NSUN3: variants seen among roughly 807,000 people sequenced by gnomAD.
The protein encoded by NSUN3 is tRNA (cytosine(34)-C(5))-methyltransferase, mitochondrial.
NSUN3 carries 24 observed loss-of-function variants against 36.8 expected under a neutral mutation model. The ratio of observed to expected loss-of-function variants is 0.65; its 90% CI spans 0.47 to 0.92. The LOEUF is 0.92. Among genes scored for constraint, NSUN3 ranks in the 40% least tolerant of loss-of-function variants. The pLI is 0.00. For missense variants in NSUN3, 381 were observed against 392.8 expected (o/e 0.97, Z 0.25); for synonymous variants, 146 against 145.2 (o/e 1.01, Z -0.04).
Position 94,126,567 on chromosome 3 carries a change from T to G in NSUN3, c.*77T>G. Reference sequence around the variant, plus strand: ...CAGTACATGTTAATATTTAAATAATTATGCAGTAACTTTCTCTGGGTCTGT... The same window carrying G: ...CAGTACATGTTAATATTTAAATAATGATGCAGTAACTTTCTCTGGGTCTGT... On this transcript the variant is annotated 3_prime_UTR_variant, in exon 6 of 6. Coordinates refer to ENST00000314622, the MANE Select transcript of NSUN3 (RefSeq NM_022072.5). 1 of 1,311,480 alleles carries G rather than the reference T, an allele frequency of 7.6e-7. No homozygotes were observed. The highest frequency in any genetic ancestry group is 1.0e-6 in the Non-Finnish European group (1 of 955,374). The allele number at this position is 1,311,480 out of a possible 1,614,324, so 81.2% of individuals were successfully genotyped here. A position where few individuals can be genotyped will look rare whatever the true frequency, so the allele number is the denominator to read the frequency against.
intron 5 of NSUN3, among the ~76,000 whole-genome samples, chr3:94,106,903 C>G (rs569374551): frequency 6.6e-6 from 1 of 151,698 alleles, no homozygotes; most frequent in African/African-American, 2.4e-5. Context: ...CAAAATGCTT[C>G]AGGGAAGAAA....
rs189094370 is a variant in NSUN3, at chr3:94,096,552, G to T, written c.743+1398G>T. 2.9e-4 allele frequency among the ~76,000 whole-genome samples: 44 copies of T among 152,210 alleles called. 1 individual carries two copies. The East Asian group carries it at 7.9e-3, about 27-fold the overall frequency. On this transcript the variant is annotated intron_variant, in intron 5 of 5. Coordinates refer to ENST00000314622, the MANE Select transcript of NSUN3 (RefSeq NM_022072.5). ...CTTACTCTGTCACCCAGACTGTAGT[G>T]CAGTGGTGTGATCCCCGCTCACTCC...
At chr3:94,072,486 T>C (rs1223909593) in intron 2 of NSUN3, among the ~76,000 whole-genome samples, 1 of 152,148 alleles carries the variant, frequency 6.6e-6, no homozygotes, top group Non-Finnish European at 1.5e-5. Flanking sequence ...TTAATAATGA[T>C]ATCAGAGTAT....
chr3:94,082,083 C>T (rs2077271356), intron 2 of NSUN3: 1 of 152,202 alleles, frequency 6.6e-6, no homozygotes, highest in Admixed American at 6.5e-5. Flanking sequence ...AGCCAAGCCG[C>T]TCCTTCTGTA....
intron 5 of NSUN3, among the ~76,000 whole-genome samples, chr3:94,107,995 A>G (rs1244875034): frequency 8.2e-6 from 1 of 122,500 alleles, no homozygotes; most frequent in African/African-American, 3.1e-5. Flanking sequence ...TTTTTTTCAG[A>G]TAAAGCCTCT....
At chr3:94,120,770 A>G (rs1576102991) in intron 5 of NSUN3, among the ~76,000 whole-genome samples, 1 of 152,124 alleles carries the variant, frequency 6.6e-6, no homozygotes, top group African/African-American at 2.4e-5. Context: ...CCTGCTTTCA[A>G]TTGTTTGGGG....
intron 2 of NSUN3, chr3:94,077,169 A>C (rs1470546411): frequency 1.4e-6 from 1 of 714,114 alleles, no homozygotes; most frequent in African/African-American, 1.7e-5. Context: ...CTTCCTTGTC[A>C]GTCATGGAGG....
At chr3:94,111,960 T>G (rs967104921) in intron 5 of NSUN3, among the ~76,000 whole-genome samples, 2 of 152,080 alleles carry the variant, frequency 1.3e-5, no homozygotes, top group Admixed American at 6.6e-5. Context: ...GAGAGAGATT[T>G]AAGGAACTGG....
intron 2 of NSUN3, among the ~76,000 whole-genome samples, chr3:94,078,000 G>A (rs560673362): frequency 1.3e-5 from 2 of 152,058 alleles, no homozygotes; most frequent in East Asian, 1.9e-4. Context: ...TTTGTTTGCT[G>A]TTGCTTCTCT....
intron 5 of NSUN3, among the ~76,000 whole-genome samples, chr3:94,103,372 T>C (rs1467680904): frequency 6.6e-6 from 1 of 151,892 alleles, no homozygotes; most frequent in African/African-American, 2.4e-5. Flanking sequence ...TTGTTAACAA[T>C]GGAGTACAAA....
chr3:94,127,144 A>C lies in NSUN3; in HGVS notation c.*654A>C, dbSNP rs2077490732. The C allele has an allele frequency of 6.6e-6, 1 of 152,196 alleles. No individual in the cohort carries two copies. Among genetic ancestry groups the C allele is most frequent in the Non-Finnish European group, 1.5e-5 (1 of 68,046 alleles). 9.4% of individuals were successfully genotyped at this position (152,196 alleles called of 1,614,324 possible). A position where few individuals can be genotyped will look rare whatever the true frequency, so the allele number is the denominator to read the frequency against. ...AATTGAAAGGGTAAATTATATTGAAAGGCCTTTAGAACAGCAGATTCACAT... is the reference window on the plus strand; with the variant it reads ...AATTGAAAGGGTAAATTATATTGAACGGCCTTTAGAACAGCAGATTCACAT... On this transcript the variant is annotated 3_prime_UTR_variant, in exon 6 of 6. Transcript: ENST00000314622.
intron 5 of NSUN3, among the ~76,000 whole-genome samples, chr3:94,119,971 T>C (rs954501172): frequency 6.6e-6 from 1 of 152,242 alleles, no homozygotes; most frequent in Non-Finnish European, 1.5e-5. Flanking sequence ...AAATTATGAA[T>C]GTCGAAATGA....
chr3:94,090,019 T>C (rs528355113), intron 3 of NSUN3, among the ~76,000 whole-genome samples: 4 of 152,308 alleles, frequency 2.6e-5, no homozygotes, highest in African/African-American at 9.6e-5. Context: ...TTATAGCTTA[T>C]GGCTCCAAAT....
At chr3:94,078,819 A>G (rs1172430295) in intron 2 of NSUN3, among the ~76,000 whole-genome samples, 1 of 152,036 alleles carries the variant, frequency 6.6e-6, no homozygotes, top group Non-Finnish European at 1.5e-5. Context: ...TTTTGAACCT[A>G]TGTGTGTCTC....
In NSUN3 at chr3:94,128,838, AAC is replaced by A. The variant is rs2077498764; in HGVS notation, c.*2350_*2351del. 6.6e-6 allele frequency among the ~76,000 whole-genome samples: 1 copy of A among 152,152 alleles called. No homozygotes were observed. Among genetic ancestry groups the A allele is most frequent in the South Asian group, 2.1e-4 (1 of 4,830 alleles). On this transcript the variant is annotated 3_prime_UTR_variant, in exon 6 of 6. Transcript: ENST00000314622. ...TATTAAAAACTGAGCAAAGGACATG[AAC>A]AGACATTTCTCAAAAGAAGACATTC...
chr3:94,082,397 A>G (rs1290628695), intron 2 of NSUN3, among the ~76,000 whole-genome samples: 2 of 152,160 alleles, frequency 1.3e-5, no homozygotes, highest in South Asian at 2.1e-4. Context: ...TGCACACTTA[A>G]GTTTGCGAAC....
At chr3:94,122,151 TAAAAAA>T (rs753343062) in intron 5 of NSUN3, among the ~76,000 whole-genome samples, 3 of 57,032 alleles carry the variant, frequency 5.3e-5, no homozygotes, top group Non-Finnish European at 1.2e-4. Context: ...TCCCCCCACC[TAAAAAA>T]AAAAAAAAAA....
At chr3:94,119,959 A>C (rs2077454686) in intron 5 of NSUN3, among the ~76,000 whole-genome samples, 1 of 152,262 alleles carries the variant, frequency 6.6e-6, no homozygotes, top group Non-Finnish European at 1.5e-5. Flanking sequence ...TTTTAGAAAG[A>C]TAAATTATGA....
intron 5 of NSUN3, among the ~76,000 whole-genome samples, chr3:94,115,342 A>G (rs1425600638): frequency 6.6e-6 from 1 of 152,164 alleles, no homozygotes; most frequent in Non-Finnish European, 1.5e-5. Context: ...AGAAGGAAAA[A>G]CTTGCTAATA....
Sources: gnomAD v4.1 joint callset for allele counts (sites outside exome capture counted in the v4.1 genomes callset) on GRCh38, gnomAD v4.1.1 for gene constraint, MANE v1.5 for transcripts, NCBI Gene and HGNC (gene_info 2026-07-23, HGNC 2026-07-21) for gene names.